The following NEIL3 variants were observed in gnomAD, a reference collection of about 807,000 sequenced individuals.
NEIL3 encodes the protein endonuclease 8-like 3.
Under a neutral mutation model 57.5 loss-of-function variants are expected in NEIL3, and 48 were observed. That is an observed-to-expected ratio of 0.83 (90% CI 0.66 to 1.06). The LOEUF is 1.06. Among genes scored for constraint, NEIL3 ranks in the 50% least tolerant of loss-of-function variants. The pLI is 0.00. For synonymous variants in NEIL3, 261 were observed against 253.2 expected, an observed-to-expected ratio of 1.03 and a Z score of -0.29; for missense variants, 717 against 739.1, an observed-to-expected ratio of 0.97 and a Z score of 0.35.
chr4:177,362,560 A>G lies in NEIL3; in HGVS notation c.*89A>G. 2 of 981,412 alleles carry G rather than the reference A, an allele frequency of 2.0e-6. No homozygotes were observed. Among genetic ancestry groups the G allele is most frequent in the Non-Finnish European group, 2.9e-6 (2 of 682,524 alleles). 60.8% of individuals were successfully genotyped at this position (981,412 alleles called of 1,614,324 possible). ...TTCATAGAAAAGTCATAGAATATCT[A>G]TGATACATTGAAAAGTTACTGCAAT... On this transcript the variant is annotated 3_prime_UTR_variant, in exon 10 of 10. Coordinates refer to ENST00000264596, the MANE Select transcript of NEIL3 (RefSeq NM_018248.3).
chr4:177,348,858 A>T (rs1174743848), intron 6 of NEIL3, among the ~76,000 whole-genome samples: 6 of 73,730 alleles, frequency 8.1e-5, no homozygotes, highest in Non-Finnish European at 7.0e-5. Flanking sequence ...TGGCTCATGA[A>T]TTTTTTTTTT....
intron 2 of NEIL3, 71 bp from the exon 3 acceptor site, chr4:177,335,615 ATG>A: frequency 7.3e-7 from 1 of 1,360,674 alleles, no homozygotes; most frequent in Non-Finnish European, 1.0e-6. Flanking sequence ...CAAAAAAAAA[ATG>A]ATAGTACAGG....
At chr4:177,326,684 A>G (rs1405148001) in intron 2 of NEIL3, among the ~76,000 whole-genome samples, 1 of 152,040 alleles carries the variant, frequency 6.6e-6, no homozygotes, top group Non-Finnish European at 1.5e-5. Flanking sequence ...CACTCCATGA[A>G]CACAGTATAT....
rs993708015 is a variant in NEIL3, at chr4:177,355,459, G to C, written c.1460+1731G>C. Among the ~76,000 whole-genome samples, 6 of 152,296 alleles carry C rather than the reference G, an allele frequency of 3.9e-5. No individual in the cohort carries two copies. The East Asian group carries it at 1.2e-3, about 29-fold the overall frequency. ...TAATACTGAATTCAATATAAAGGCT[G>C]TGTAAATAATTGTTATACTGTATAT... On this transcript the variant is annotated intron_variant, in intron 8 of 9. Transcript: ENST00000264596.
At chr4:177,364,789 G>A (rs952985506), downstream of NEIL3, among the ~76,000 whole-genome samples, 7 of 151,906 alleles carry the variant, frequency 4.6e-5, no homozygotes, top group Non-Finnish European at 1.5e-5. Context: ...TTAGCTGGGC[G>A]TGGTGGCTCA....
rs561721533 is a variant in NEIL3 at position 177,324,209 on chromosome 4, A to T, written c.278+1629A>T. Among the ~76,000 whole-genome samples the T allele has an allele frequency of 1.6e-4, 25 of 152,266 alleles. No individual in the cohort carries two copies. The East Asian group carries it at 3.7e-3, about 22-fold the overall frequency. Reference sequence around the variant, plus strand: ...GTCTGTGCACCTGCAATAGAAATGTAGTCTTCATTTTTGACTTCTGCCTCC... The same window carrying T: ...GTCTGTGCACCTGCAATAGAAATGTTGTCTTCATTTTTGACTTCTGCCTCC... On this transcript the variant is annotated intron_variant, in intron 2 of 9. Transcript: ENST00000264596.
intron 1 of NEIL3, among the ~76,000 whole-genome samples, chr4:177,316,566 A>G (rs187943546): frequency 4.8e-3 from 728 of 152,226 alleles, no homozygotes; most frequent in Non-Finnish European, 6.5e-3. Context: ...TTTTGCCAAG[A>G]TATCTTGGGA....
intron 2 of NEIL3, among the ~76,000 whole-genome samples, chr4:177,331,627 G>A (rs150480875): frequency 3.0e-4 from 46 of 151,980 alleles, no homozygotes; most frequent in African/African-American, 1.1e-3. Flanking sequence ...TTTAATCTTT[G>A]TGTGTATATA....
chr4:177,334,731 G>A lies in NEIL3; in HGVS notation c.279-957G>A, dbSNP rs34236341. 5.9e-4 allele frequency among the ~76,000 whole-genome samples: 90 copies of A among 152,248 alleles called. No individual in the cohort carries two copies. In the East Asian group the frequency reaches 0.017, roughly 28 times the overall value. On this transcript the variant is annotated intron_variant, in intron 2 of 9. Coordinates refer to ENST00000264596, the MANE Select transcript of NEIL3 (RefSeq NM_018248.3). The stretch of plus-strand genomic sequence containing the variant: ...TTTTAAAGTTAGACTGGTTAACCTT[G>A]TACAATACTATAACATGGTGCTCCG...
chr4:177,366,312 T>TA (rs138832383), downstream of NEIL3, among the ~76,000 whole-genome samples: 14,697 of 152,228 alleles, frequency 0.097, 790 homozygotes, highest in South Asian at 0.17. Flanking sequence ...TGTGAAGTGT[T>TA]ACCATATTAA....
intron 1 of NEIL3, among the ~76,000 whole-genome samples, chr4:177,311,617 T>C (rs1299767503): frequency 7.0e-6 from 1 of 141,980 alleles, no homozygotes; most frequent in South Asian, 2.2e-4. Flanking sequence ...GAGGTTGCAG[T>C]GAGCTGAGGT....
At chr4:177,344,141 G>A (rs1026081114) in intron 6 of NEIL3, among the ~76,000 whole-genome samples, 1 of 152,072 alleles carries the variant, frequency 6.6e-6, no homozygotes, top group Non-Finnish European at 1.5e-5. Context: ...AATGTTCTGG[G>A]CCTTGTAATC....
At chr4:177,345,679 CTTTTTTTTTTTT>C (rs55741585) in intron 6 of NEIL3, among the ~76,000 whole-genome samples, 1 of 78,034 alleles carries the variant, frequency 1.3e-5, no homozygotes, top group Non-Finnish European at 2.4e-5. Flanking sequence ...CCACGCCTGG[CTTTTTTTTTTTT>C]TTTTTTTTTT....
intron 2 of NEIL3, among the ~76,000 whole-genome samples, chr4:177,333,967 C>A (rs1218127246): frequency 6.6e-6 from 1 of 152,068 alleles, no homozygotes; most frequent in East Asian, 1.9e-4. Context: ...AGGTAGACTT[C>A]TATTATGCAG....
At chr4:177,366,725 T>G (rs946415987), downstream of NEIL3, among the ~76,000 whole-genome samples, 1 of 152,158 alleles carries the variant, frequency 6.6e-6, no homozygotes, top group Non-Finnish European at 1.5e-5. Flanking sequence ...TCCCATACTC[T>G]TCCTATTCTT....
At chr4:177,330,377 TG>T (rs1209981841) in intron 2 of NEIL3, among the ~76,000 whole-genome samples, 1 of 152,226 alleles carries the variant, frequency 6.6e-6, no homozygotes, top group Non-Finnish European at 1.5e-5. Context: ...TGGCATTAAA[TG>T]TTTTTTATAA....
chr4:177,325,342 C>T (rs1346415528), intron 2 of NEIL3, among the ~76,000 whole-genome samples: 1 of 152,022 alleles, frequency 6.6e-6, no homozygotes, highest in African/African-American at 2.4e-5. Flanking sequence ...CTGTATAATA[C>T]TTTAAGATTC....
chr4:177,351,491 T>G lies in NEIL3; in HGVS notation c.981T>G (p.Thr327=). The G allele has an allele frequency of 1.2e-6, 2 of 1,614,106 alleles. No homozygotes were observed. The highest frequency in any genetic ancestry group is 1.7e-6 in the Non-Finnish European group (2 of 1,179,976). The change falls in exon 7 of 10, where the codon ACT becomes ACG. Residue 327 remains threonine, a synonymous_variant. Transcript: ENST00000264596. ...AGCACTGGACCTGTGTGGTGTGTACTTTAATCAATAAGCCCTCTTCTAAGG... is the reference window on the plus strand; with the variant it reads ...AGCACTGGACCTGTGTGGTGTGTACGTTAATCAATAAGCCCTCTTCTAAGG... ...SEEHWTCVVC[T]LINKPSSKAC... is the part of the protein sequence containing the mutation.
At chr4:177,323,659 T>G (rs1321568254) in intron 2 of NEIL3, among the ~76,000 whole-genome samples, 1 of 152,190 alleles carries the variant, frequency 6.6e-6, no homozygotes, top group Non-Finnish European at 1.5e-5. Context: ...GCTGCTGTAG[T>G]AGACTGATGT....
Sources: allele counts gnomAD v4.1 joint callset (sites outside exome capture counted in the v4.1 genomes callset), GRCh38; gene constraint gnomAD v4.1.1; transcripts MANE v1.5; gene names NCBI Gene and HGNC (gene_info 2026-07-23, HGNC 2026-07-21).